The following GUCY1A2 variants were observed in gnomAD, a reference collection of about 807,000 sequenced individuals.
GUCY1A2 encodes guanylate cyclase 1 soluble subunit alpha 2.
Under a neutral mutation model 63.5 loss-of-function variants are expected in GUCY1A2, and 27 were observed. That is an observed-to-expected ratio of 0.43 (90% CI 0.31 to 0.59). The LOEUF is 0.59. Among genes scored for constraint, GUCY1A2 ranks in the 20% least tolerant of loss-of-function variants. The pLI is 0.11. For synonymous variants in GUCY1A2, 364 were observed against 343.5 expected, an observed-to-expected ratio of 1.06 and a Z score of -0.66; for missense variants, 768 against 913.3, an observed-to-expected ratio of 0.84 and a Z score of 2.05.
intron 5 of GUCY1A2, among the ~76,000 whole-genome samples, chr11:106,798,709 C>A (rs1438541642): frequency 1.3e-5 from 2 of 152,092 alleles, no homozygotes; most frequent in Non-Finnish European, 2.9e-5. Context: ...TGACAAAATT[C>A]AACAGCCCTT....
rs138665534 is a variant in GUCY1A2, at chr11:106,909,747, T to C, written c.1206+29713A>G. Among the ~76,000 whole-genome samples the C allele has an allele frequency of 2.4e-3, 369 of 152,058 alleles. 1 individual carries two copies. The highest frequency in any genetic ancestry group is 8.4e-3 in the African/African-American group (349 of 41,510). On this transcript the variant is annotated intron_variant, in intron 4 of 7. Coordinates refer to ENST00000526355, the MANE Select transcript of GUCY1A2 (RefSeq NM_000855.3). ...GGATGTAACACAGGCTGTTTAACCA[T>C]TTACCCAGTTAAGGAAATCTGGGTT... is the stretch of plus-strand genomic sequence containing the variant.
intron 4 of GUCY1A2, among the ~76,000 whole-genome samples, chr11:106,821,503 C>T (rs529480126): frequency 2.0e-5 from 3 of 152,284 alleles, no homozygotes; most frequent in Admixed American, 1.3e-4. Context: ...TTCACACATC[C>T]CATGGGAGAT....
intron 5 of GUCY1A2, among the ~76,000 whole-genome samples, chr11:106,787,545 A>G: frequency 1.6e-3 from 2 of 1,264 alleles, no homozygotes; most frequent in African/African-American, 3.1e-3. Flanking sequence ...AAAGAGAGAA[A>G]GATAGAGAAA....
At chr11:106,904,729 A>C (rs1209100815) in intron 4 of GUCY1A2, among the ~76,000 whole-genome samples, 2 of 152,052 alleles carry the variant, frequency 1.3e-5, no homozygotes, top group Non-Finnish European at 2.9e-5. Context: ...TCCAAAATCT[A>C]CTACAACTTT....
intron 4 of GUCY1A2, among the ~76,000 whole-genome samples, chr11:106,933,255 C>T (rs1860628632): frequency 1.3e-5 from 2 of 151,292 alleles, no homozygotes. Flanking sequence ...GTTAAGCAAA[C>T]AAAAAATAAC....
At chr11:106,711,890 G>A (rs909033734) in intron 6 of GUCY1A2, among the ~76,000 whole-genome samples, 2 of 151,836 alleles carry the variant, frequency 1.3e-5, no homozygotes, top group Non-Finnish European at 2.9e-5. Flanking sequence ...GCATCATTTT[G>A]GATAACAAAT....
Position 106,837,164 on chromosome 11 carries a change from G to A in GUCY1A2, c.1207-26686C>T, listed in dbSNP as rs12282818. On this transcript the variant is annotated intron_variant, in intron 4 of 7. Coordinates refer to ENST00000526355, the MANE Select transcript of GUCY1A2 (RefSeq NM_000855.3). ...CCACCTCCCAACCTGCACACTCAAG[G>A]AGGCCCCAGTGTCTATTGTTTCCCT... is the stretch of plus-strand genomic sequence containing the variant. 3.6e-3 allele frequency among the ~76,000 whole-genome samples: 554 copies of A among 151,812 alleles called. 4 individuals carry two copies. Among genetic ancestry groups the A allele is most frequent in the African/African-American group, 0.013 (534 of 41,456 alleles).
intron 5 of GUCY1A2, among the ~76,000 whole-genome samples, chr11:106,809,354 G>A (rs1167438981): frequency 1.3e-5 from 2 of 152,080 alleles, no homozygotes; most frequent in Non-Finnish European, 2.9e-5. Context: ...TCAAAATATT[G>A]CTATGATCTT....
At chr11:106,812,282 C>T (rs962351632) in intron 4 of GUCY1A2, among the ~76,000 whole-genome samples, 2 of 151,712 alleles carry the variant, frequency 1.3e-5, no homozygotes, top group Non-Finnish European at 2.9e-5. Flanking sequence ...TATATTTAAA[C>T]TTCTATGTAG....
intron 6 of GUCY1A2, among the ~76,000 whole-genome samples, chr11:106,747,295 TAATA>T (rs3834917): frequency 0.2 from 29,975 of 152,078 alleles, 3,504 homozygotes; most frequent in South Asian, 0.27. Flanking sequence ...GCCCATGAAA[TAATA>T]AATGTGAGAA....
intron 4 of GUCY1A2, among the ~76,000 whole-genome samples, chr11:106,882,551 T>C (rs1202168143): frequency 1.3e-5 from 2 of 151,932 alleles, no homozygotes; most frequent in African/African-American, 2.4e-5. Context: ...AAACATGTAT[T>C]AGAAGATTTA....
intron 3 of GUCY1A2, among the ~76,000 whole-genome samples, chr11:106,971,061 A>C (rs1407891612): frequency 6.6e-6 from 1 of 152,118 alleles, no homozygotes; most frequent in African/African-American, 2.4e-5. Context: ...AGGGATTTGG[A>C]GGTGACATGC....
rs1413364390 is a variant in GUCY1A2 at position 106,678,665 on chromosome 11, ATTTGAACATAAATTGGT to A, written c.*8867_*8883del. On this transcript the variant is annotated 3_prime_UTR_variant, in exon 8 of 8. Coordinates refer to ENST00000526355, the MANE Select transcript of GUCY1A2 (RefSeq NM_000855.3). Reference sequence around the variant, plus strand: ...AATATTCATATTTGTTGTTCAAATGATTTGAACATAAATTGGTTTTGACTTAGATTTTATTCCGAGAA... The same window carrying A: ...AATATTCATATTTGTTGTTCAAATGATTTGACTTAGATTTTATTCCGAGAA... 1.4e-5 allele frequency: 3 copies of A among 209,224 alleles called. 1 individual carries two copies. The highest frequency in any genetic ancestry group is 3.7e-4 in the South Asian group (2 of 5,334). 13.0% of individuals were successfully genotyped at this position (209,224 alleles called of 1,614,324 possible). A position where few individuals can be genotyped will look rare whatever the true frequency, so the allele number is the denominator to read the frequency against.
intron 4 of GUCY1A2, among the ~76,000 whole-genome samples, chr11:106,834,393 G>C (rs1057071108): frequency 1.3e-5 from 2 of 151,788 alleles, no homozygotes; most frequent in South Asian, 2.1e-4. Context: ...AATATTTTAC[G>C]TTGCATCCAA....
intron 2 of GUCY1A2, among the ~76,000 whole-genome samples, chr11:106,979,426 G>A (rs1266059668): frequency 6.2e-5 from 9 of 144,456 alleles, no homozygotes; most frequent in Admixed American, 1.4e-4. Flanking sequence ...CTGCACTCCA[G>A]CCTGGGTGAC....
intron 6 of GUCY1A2, among the ~76,000 whole-genome samples, chr11:106,722,784 C>CTGTGTGTGTG (rs5794487): frequency 6.7e-6 from 1 of 148,862 alleles, no homozygotes; most frequent in Non-Finnish European, 1.5e-5. Context: ...AAGACCAGTT[C>CTGTGTGTGTG]TGTGTGTGTG....
At position 106,676,380 on chromosome 11, in the gene GUCY1A2, C is replaced by CTTT. The variant is rs35106966; in HGVS notation, c.*11166_*11168dup. The CTTT allele has an allele frequency of 5.8e-6, 1 of 171,264 alleles. No individual in the cohort carries two copies. Among genetic ancestry groups the CTTT allele is most frequent in the Non-Finnish European group, 1.2e-5 (1 of 81,048 alleles). 10.6% of individuals were successfully genotyped at this position (171,264 alleles called of 1,614,324 possible). ...GTTTGATCTCTTGATCCAAGCTGTA[C>CTTT]TTTTTTTTTTTTTGTATTTAATAAA... On this transcript the variant is annotated 3_prime_UTR_variant, in exon 8 of 8. Transcript: ENST00000526355.
At chr11:106,917,648 GTGGA>G (rs1023810856) in intron 4 of GUCY1A2, among the ~76,000 whole-genome samples, 1 of 143,218 alleles carries the variant, frequency 7.0e-6, no homozygotes, top group African/African-American at 2.5e-5. Context: ...TTGTAGGGAC[GTGGA>G]TGAAGCTGGA....
chr11:106,703,773 A>C (rs1260264865), intron 7 of GUCY1A2, among the ~76,000 whole-genome samples: 1 of 152,016 alleles, frequency 6.6e-6, no homozygotes, highest in Admixed American at 6.6e-5. Flanking sequence ...ATGATTACTT[A>C]CTAATTAGAT....
Sources: gnomAD v4.1 joint callset for allele counts (sites outside exome capture counted in the v4.1 genomes callset) on GRCh38, gnomAD v4.1.1 for gene constraint, MANE v1.5 for transcripts, NCBI Gene and HGNC (gene_info 2026-07-23, HGNC 2026-07-21) for gene names.